PCED1B: variants seen among roughly 807,000 people sequenced by gnomAD.
The protein encoded by PCED1B is PC-esterase domain containing 1B, also known as PC-esterase domain-containing protein 1B.
For missense variants in PCED1B, 573 were observed against 573.9 expected, an observed-to-expected ratio of 1.00 and a Z score of 0.02; for synonymous variants, 251 against 246.1, an observed-to-expected ratio of 1.02 and a Z score of -0.19.
chr12:47,100,059 G>A (rs1938636830), intron 1 of PCED1B, among the ~76,000 whole-genome samples: 1 of 152,210 alleles, frequency 6.6e-6, no homozygotes, highest in Admixed American at 6.5e-5. Context: ...TAAGACCAAT[G>A]TGGAAATATT....
At chr12:47,140,159 G>T (rs920319718) in intron 2 of PCED1B, among the ~76,000 whole-genome samples, 1 of 152,144 alleles carries the variant, frequency 6.6e-6, no homozygotes, top group Admixed American at 6.5e-5. Flanking sequence ...GAGGAATTTT[G>T]CTTATCAAAT....
At chr12:47,127,538 T>A (rs1939942899) in intron 2 of PCED1B, among the ~76,000 whole-genome samples, 1 of 151,914 alleles carries the variant, frequency 6.6e-6, no homozygotes, top group African/African-American at 2.4e-5. Context: ...TAATTTTTTG[T>A]ATTTTTTAGT....
chr12:47,125,547 T>G (rs977551890), intron 2 of PCED1B, among the ~76,000 whole-genome samples: 2 of 152,004 alleles, frequency 1.3e-5, no homozygotes, highest in African/African-American at 4.8e-5. Flanking sequence ...TGACAAGAGG[T>G]CTGCTGGGTA....
At position 47,175,584 on chromosome 12, in the gene PCED1B, T is replaced by TATG. The variant is rs1565583528; in HGVS notation, c.-525-40638_-525-40637insATG. 6.7e-5 allele frequency among the ~76,000 whole-genome samples: 10 copies of TATG among 148,914 alleles called. No individual in the cohort carries two copies. The South Asian group carries it at 1.1e-3, about 16-fold the overall frequency. ...TGTATGTATGTATGTATGTATGTAT[T>TATG]TATTTTGAGATGGAGTTTCACTCTT... is the stretch of plus-strand genomic sequence containing the variant. On this transcript the variant is annotated intron_variant, in intron 2 of 3. Transcript: ENST00000546455.
intron 1 of PCED1B, among the ~76,000 whole-genome samples, chr12:47,093,864 T>G (rs1437076310): frequency 1.3e-5 from 2 of 152,124 alleles, no homozygotes; most frequent in Non-Finnish European, 2.9e-5. Flanking sequence ...ATAAATGTTC[T>G]TATGTTCTTT....
Position 47,234,954 on chromosome 12 carries a change from G to C in PCED1B, c.-57-53G>C, listed in dbSNP as rs1212264954. On this transcript the variant is annotated intron_variant, in intron 3 of 3. Transcript: ENST00000546455. ...GTCTCCCTACCCCCAACCTGCACTG[G>C]GCGCTCCGCCCAGAGGTGAGTCCCT... 4.8e-6 allele frequency: 5 copies of C among 1,037,990 alleles called. No individual in the cohort carries two copies. The Admixed American group carries it at 8.6e-5, about 18-fold the overall frequency. The allele number at this position is 1,037,990 out of a possible 1,614,324, so 64.3% of individuals were successfully genotyped here.
chr12:47,143,137 T>C (rs558771175), intron 2 of PCED1B, among the ~76,000 whole-genome samples: 14 of 152,000 alleles, frequency 9.2e-5, no homozygotes, highest in Non-Finnish European at 1.9e-4. Context: ...AAGCTTTACC[T>C]CTAAGATCAG....
chr12:47,128,445 C>G (rs1040324230), intron 2 of PCED1B, among the ~76,000 whole-genome samples: 4 of 152,112 alleles, frequency 2.6e-5, no homozygotes, highest in Non-Finnish European at 5.9e-5. Context: ...GGTACCTCAG[C>G]TGAAGTGTTA....
intron 2 of PCED1B, among the ~76,000 whole-genome samples, chr12:47,127,525 G>A (rs1282491974): frequency 1.5e-5 from 2 of 137,490 alleles, no homozygotes; most frequent in African/African-American, 6.3e-5. Flanking sequence ...TGTGCCACCC[G>A]GTTAATTTTT....
chr12:47,199,902 G>A (rs185471796), intron 2 of PCED1B, among the ~76,000 whole-genome samples: 2 of 152,244 alleles, frequency 1.3e-5, no homozygotes, highest in Admixed American at 6.5e-5. Flanking sequence ...ACTTCGGCTT[G>A]GCAAAAGATA....
At chr12:47,115,205 A>G (rs1294733952) in intron 2 of PCED1B, among the ~76,000 whole-genome samples, 3 of 152,322 alleles carry the variant, frequency 2.0e-5, no homozygotes, top group African/African-American at 4.8e-5. Flanking sequence ...CTAATTTTCA[A>G]TCCTGATACT....
intron 2 of PCED1B, among the ~76,000 whole-genome samples, chr12:47,204,831 T>C (rs1055800754): frequency 6.6e-6 from 1 of 152,238 alleles, no homozygotes; most frequent in African/African-American, 2.4e-5. Flanking sequence ...ATATACTTAG[T>C]GACTCCTAGT....
At chr12:47,110,187 G>A (rs1004282959) in intron 2 of PCED1B, among the ~76,000 whole-genome samples, 1 of 152,238 alleles carries the variant, frequency 6.6e-6, no homozygotes, top group South Asian at 2.1e-4. Context: ...CTGAAAACTG[G>A]ATGAAGTGAG....
At chr12:47,128,345 A>G (rs995400758) in intron 2 of PCED1B, among the ~76,000 whole-genome samples, 45 of 152,290 alleles carry the variant, frequency 3.0e-4, no homozygotes, top group Non-Finnish European at 6.0e-4. Flanking sequence ...TTGAGGAACA[A>G]AAAATGGAGA....
chr12:47,226,792 T>C (rs566302595), intron 3 of PCED1B, among the ~76,000 whole-genome samples: 1 of 152,316 alleles, frequency 6.6e-6, no homozygotes, highest in African/African-American at 2.4e-5. Context: ...AGTGTACTTA[T>C]CAAATCTGCA....
intron 2 of PCED1B, among the ~76,000 whole-genome samples, chr12:47,213,097 T>G (rs1943143246): frequency 6.6e-6 from 1 of 152,244 alleles, no homozygotes. Context: ...TTTCTCAATC[T>G]GTAACATCCC....
chr12:47,113,117 C>T (rs1939270130), intron 2 of PCED1B, among the ~76,000 whole-genome samples: 1 of 152,188 alleles, frequency 6.6e-6, no homozygotes, highest in Admixed American at 6.5e-5. Context: ...AAGCTGGGCA[C>T]TGGGTTTGGT....
chr12:47,158,265 A>G (rs955845759), intron 2 of PCED1B, among the ~76,000 whole-genome samples: 2 of 152,206 alleles, frequency 1.3e-5, no homozygotes, highest in African/African-American at 4.8e-5. Flanking sequence ...AACAATGCAC[A>G]AGGGTTCCAA....
chr12:47,097,442 A>G (rs1938526571), intron 1 of PCED1B, among the ~76,000 whole-genome samples: 1 of 152,212 alleles, frequency 6.6e-6, no homozygotes, highest in African/African-American at 2.4e-5. Flanking sequence ...GCCTAAGGGA[A>G]GAAGGGAAGG....
Sources: allele counts gnomAD v4.1 joint callset (sites outside exome capture counted in the v4.1 genomes callset), GRCh38; gene constraint gnomAD v4.1.1; transcripts MANE v1.5; gene names NCBI Gene and HGNC (gene_info 2026-07-23, HGNC 2026-07-21).